NEGR1: variants seen among roughly 807,000 people sequenced by gnomAD.
NEGR1 encodes the protein neuronal growth regulator 1, also known as IgLON family member 4.
In NEGR1, 10 loss-of-function variants were observed where a neutral mutation model predicts 40.9. The ratio of observed to expected loss-of-function variants is 0.24; its 90% CI spans 0.15 to 0.42. The LOEUF (loss-of-function observed/expected upper bound fraction) is 0.42. NEGR1 is among the 10% of genes least tolerant of loss of function. NEGR1 has a pLI of 1.00. For missense variants in NEGR1, 352 were observed against 438.9 expected (o/e 0.80, Z 1.77); for synonymous variants, 185 against 166.8 (o/e 1.11, Z -0.84).
intron 6 of NEGR1, among the ~76,000 whole-genome samples, chr1:71,552,424 A>G (rs13375931): frequency 0.046 from 6,924 of 149,408 alleles, 547 homozygotes; most frequent in African/African-American, 0.16. Flanking sequence ...CCTCCCATAT[A>G]CTACCTTGTG....
At chr1:72,069,096 A>G (rs1557510754) in intron 1 of NEGR1, among the ~76,000 whole-genome samples, 1 of 152,088 alleles carries the variant, frequency 6.6e-6, no homozygotes, top group Non-Finnish European at 1.5e-5. Context: ...TATAGCATAT[A>G]TCTTTTGTGT....
intron 2 of NEGR1, among the ~76,000 whole-genome samples, chr1:71,915,869 C>A (rs192825260): frequency 1.3e-5 from 2 of 152,050 alleles, no homozygotes; most frequent in African/African-American, 4.8e-5. Flanking sequence ...TACCTTTGAG[C>A]GAGAAACACA....
chr1:71,574,387 A>G (rs1235790085), intron 6 of NEGR1, among the ~76,000 whole-genome samples: 1 of 152,210 alleles, frequency 6.6e-6, no homozygotes, highest in Non-Finnish European at 1.5e-5. Context: ...AGTAGGGTAT[A>G]ATCTCAGACG....
At chr1:71,569,403 C>T (rs1375929656) in intron 6 of NEGR1, among the ~76,000 whole-genome samples, 1 of 151,984 alleles carries the variant, frequency 6.6e-6, no homozygotes, top group Non-Finnish European at 1.5e-5. Context: ...GGAAATAGAG[C>T]CAGCACAGCT....
intron 2 of NEGR1, among the ~76,000 whole-genome samples, chr1:71,858,554 G>A (rs1434828755): frequency 2.0e-5 from 3 of 151,996 alleles, no homozygotes; most frequent in Non-Finnish European, 4.4e-5. Flanking sequence ...AAAGTAAAGA[G>A]AATCTAAAGG....
At chr1:71,723,514 C>T (rs1422464659) in intron 3 of NEGR1, among the ~76,000 whole-genome samples, 4 of 152,040 alleles carry the variant, frequency 2.6e-5, no homozygotes, top group African/African-American at 9.7e-5. Flanking sequence ...ATAAAACATT[C>T]ATAAAACCCC....
intron 1 of NEGR1, among the ~76,000 whole-genome samples, chr1:72,148,175 C>T (rs950487778): frequency 6.6e-6 from 1 of 152,126 alleles, no homozygotes; most frequent in Non-Finnish European, 1.5e-5. Context: ...CACGAGGACC[C>T]CGCCCCTGCA....
chr1:71,962,599 T>C (rs1039033957), intron 1 of NEGR1, among the ~76,000 whole-genome samples: 1 of 152,072 alleles, frequency 6.6e-6, no homozygotes, highest in Non-Finnish European at 1.5e-5. Flanking sequence ...AAGAATCCTT[T>C]AGAAATTAAG....
At position 71,398,170 on chromosome 1, in the gene NEGR1, G is replaced by A. The variant is rs1646224239; in HGVS notation, c.*9276C>T. On this transcript the variant is annotated 3_prime_UTR_variant, in exon 7 of 7. Transcript: ENST00000357731. ...TGCTAGGGCAGTGCAGAAGGAAAATGTGGAGTGAGCCCCACACAGAGTCCC... is the reference window on the plus strand; with the variant it reads ...TGCTAGGGCAGTGCAGAAGGAAAATATGGAGTGAGCCCCACACAGAGTCCC... 6.6e-6 allele frequency: 1 copy of A among 152,280 alleles called. No homozygotes were observed. Among genetic ancestry groups the A allele is most frequent in the Admixed American group, 6.5e-5 (1 of 15,290 alleles). 9.4% of individuals were successfully genotyped at this position (152,280 alleles called of 1,614,324 possible). A position where few individuals can be genotyped will look rare whatever the true frequency, so the allele number is the denominator to read the frequency against.
At chr1:72,062,540 T>C (rs1195576103) in intron 1 of NEGR1, among the ~76,000 whole-genome samples, 1 of 151,982 alleles carries the variant, frequency 6.6e-6, no homozygotes, top group African/African-American at 2.4e-5. Context: ...TAAACATAAC[T>C]AGAGCATGAA....
intron 1 of NEGR1, among the ~76,000 whole-genome samples, chr1:72,201,401 G>A (rs890963161): frequency 4.6e-5 from 7 of 151,270 alleles, no homozygotes; most frequent in Non-Finnish European, 8.9e-5. Context: ...TTGTCTCAGA[G>A]TTTCTGAGAG....
chr1:71,669,136 G>A (rs2101597785), intron 4 of NEGR1, among the ~76,000 whole-genome samples: 1 of 152,078 alleles, frequency 6.6e-6, no homozygotes, highest in South Asian at 2.1e-4. Context: ...ATTATAAAAT[G>A]TCCCTTTCTT....
chr1:71,838,541 A>G (rs1659122329), intron 2 of NEGR1, among the ~76,000 whole-genome samples: 1 of 152,172 alleles, frequency 6.6e-6, no homozygotes, highest in Non-Finnish European at 1.5e-5. Context: ...GAAAGTTCTT[A>G]GGTTTTAATA....
At chr1:72,039,333 T>G (rs1646931814) in intron 1 of NEGR1, among the ~76,000 whole-genome samples, 1 of 151,966 alleles carries the variant, frequency 6.6e-6, no homozygotes, top group Non-Finnish European at 1.5e-5. Context: ...TGTTTCAAAA[T>G]TACCAGGTAA....
intron 1 of NEGR1, among the ~76,000 whole-genome samples, chr1:71,941,022 C>A (rs973662212): frequency 1.1e-4 from 17 of 152,070 alleles, no homozygotes; most frequent in Admixed American, 7.2e-4. Flanking sequence ...ATTAAAGGCA[C>A]CAATTAATAA....
chr1:71,519,419 G>A (rs375535546), intron 6 of NEGR1, among the ~76,000 whole-genome samples: 1 of 16,448 alleles, frequency 6.1e-5, no homozygotes, highest in African/African-American at 2.9e-4. Context: ...ATGAGTTCAT[G>A]TCCTTTGTAG....
chr1:71,735,382 A>G (rs565126110), intron 3 of NEGR1, among the ~76,000 whole-genome samples: 73 of 152,212 alleles, frequency 4.8e-4, no homozygotes, highest in Middle Eastern at 6.8e-3. Flanking sequence ...AGAGCACAAA[A>G]TACATCACTA....
intron 6 of NEGR1, among the ~76,000 whole-genome samples, chr1:71,508,037 A>C (rs1647046865): frequency 6.6e-6 from 1 of 152,166 alleles, no homozygotes; most frequent in African/African-American, 2.4e-5. Flanking sequence ...AAATCTCCCT[A>C]CTATGGAAAC....
intron 1 of NEGR1, among the ~76,000 whole-genome samples, chr1:72,087,290 G>C (rs1648260059): frequency 6.6e-6 from 1 of 151,988 alleles, no homozygotes; most frequent in Non-Finnish European, 1.5e-5. Flanking sequence ...AATTAGCCAG[G>C]CAAGGTGGCG....
Sources: gnomAD v4.1 joint callset for allele counts (sites outside exome capture counted in the v4.1 genomes callset) on GRCh38, gnomAD v4.1.1 for gene constraint, MANE v1.5 for transcripts, NCBI Gene and HGNC (gene_info 2026-07-23, HGNC 2026-07-21) for gene names.